Variants in FRY observed in about 807,000 individuals in gnomAD.
The protein encoded by FRY is FRY microtubule binding protein.
A neutral mutation model predicts 348.4 loss-of-function variants in FRY; 128 were observed. The observed-to-expected ratio is 0.37, with a 90% confidence interval of 0.32 to 0.43. The LOEUF (loss-of-function observed/expected upper bound fraction) is 0.43. Ranked by LOEUF, FRY falls within the 20% of genes least tolerant of loss-of-function variation. The probability of loss-of-function intolerance (pLI) is 1.00; values close to 1 mark genes in which losing one functional copy is unlikely to be tolerated. For missense variants in FRY, 2,736 were observed against 3,695.2 expected (o/e 0.74, Z 6.73); for synonymous variants, 1,370 against 1,374.7 (o/e 1.00, Z 0.08).
chr13:32,058,408 T>A (rs1873757927), intron 1 of FRY, among the ~76,000 whole-genome samples: 1 of 152,232 alleles, frequency 6.6e-6, no homozygotes. Context: ...TATTAGAGAT[T>A]TTATAATATA....
intron 2 of FRY, among the ~76,000 whole-genome samples, chr13:32,079,374 A>G (rs367576591): frequency 6.6e-6 from 1 of 151,238 alleles, no homozygotes; most frequent in African/African-American, 2.5e-5. Flanking sequence ...TATATATCTC[A>G]TATATATATA....
At chr13:32,121,007 A>G (rs932805706) in intron 4 of FRY, among the ~76,000 whole-genome samples, 4 of 152,178 alleles carry the variant, frequency 2.6e-5, no homozygotes, top group Admixed American at 2.0e-4. Context: ...CTTAGCTCCC[A>G]CATATCAATA....
At position 32,294,608 on chromosome 13, in the gene FRY, A is replaced by G. The variant is rs780778358; in HGVS notation, c.8783+38A>G. On this transcript the variant is annotated intron_variant, in intron 60 of 60. Coordinates refer to ENST00000542859, the MANE Select transcript of FRY (RefSeq NM_023037.3). Reference sequence around the variant, plus strand: ...TTTCTTTTAGAGGTGGTTGCAGGAAATGCACACCTGGTTGTTACTCTGTCA... The same window carrying G: ...TTTCTTTTAGAGGTGGTTGCAGGAAGTGCACACCTGGTTGTTACTCTGTCA... 10 of 1,440,700 alleles carry G rather than the reference A, an allele frequency of 6.9e-6. No homozygotes were observed. In the South Asian group the frequency reaches 1.1e-4, roughly 16 times the overall value. 89.2% of individuals were successfully genotyped at this position (1,440,700 alleles called of 1,614,324 possible).
At chr13:32,246,658 A>C (rs1246996088) in intron 47 of FRY, among the ~76,000 whole-genome samples, 1 of 152,216 alleles carries the variant, frequency 6.6e-6, no homozygotes, top group African/African-American at 2.4e-5. Flanking sequence ...CTCTAGCTGG[A>C]TCTGATGCAC....
intron 51 of FRY, 62 bp from the exon 52 acceptor site, chr13:32,261,554 G>C: frequency 1.6e-6 from 2 of 1,275,112 alleles, no homozygotes; most frequent in Non-Finnish European, 2.3e-6. Flanking sequence ...CTAATTGAAT[G>C]TGTGAACATG....
chr13:32,104,683 A>C (rs762876890), intron 3 of FRY, among the ~76,000 whole-genome samples: 1 of 152,118 alleles, frequency 6.6e-6, no homozygotes, highest in Non-Finnish European at 1.5e-5. Flanking sequence ...TCCCCACCCA[A>C]ATCTCTCCTC....
intron 7 of FRY, among the ~76,000 whole-genome samples, chr13:32,126,016 C>T (rs1878996348): frequency 6.6e-6 from 1 of 152,016 alleles, no homozygotes; most frequent in Non-Finnish European, 1.5e-5. Flanking sequence ...GTTTTATAGC[C>T]TATTAAAATA....
At chr13:32,231,896 C>T (rs1193685935) in intron 41 of FRY, among the ~76,000 whole-genome samples, 1 of 152,236 alleles carries the variant, frequency 6.6e-6, no homozygotes, top group Non-Finnish European at 1.5e-5. Context: ...AAAACCATCT[C>T]TACCTTTTTT....
At chr13:32,052,058 A>G (rs561213812) in intron 1 of FRY, among the ~76,000 whole-genome samples, 3 of 152,338 alleles carry the variant, frequency 2.0e-5, no homozygotes, top group East Asian at 1.9e-4. Flanking sequence ...GCAATCTGGT[A>G]TAGCAGGAAG....
intron 1 of FRY, among the ~76,000 whole-genome samples, chr13:32,055,682 G>C (rs1873586208): frequency 6.6e-6 from 1 of 152,072 alleles, no homozygotes; most frequent in South Asian, 2.1e-4. Flanking sequence ...CTTCAAAACA[G>C]TATAATTAAA....
At chr13:32,248,506 A>G (rs1359156295) in intron 48 of FRY, among the ~76,000 whole-genome samples, 1 of 151,246 alleles carries the variant, frequency 6.6e-6, no homozygotes, top group African/African-American at 2.4e-5. Flanking sequence ...CATTCTGCAC[A>G]TGTACCCCAG....
In FRY at chr13:32,249,623, C is replaced by T; in HGVS notation, c.7106C>T (p.Thr2369Ile). 1 of 1,614,254 alleles carries T rather than the reference C, an allele frequency of 6.2e-7. No individual in the cohort carries two copies. Among genetic ancestry groups the T allele is most frequent in the Non-Finnish European group, 8.5e-7 (1 of 1,180,044 alleles). Reference sequence around the variant, plus strand: ...GCCGTCACCCGGAGCACATCTTCCACTTCCTCAGGCTCCAACTCCAACGTC... The same window carrying T: ...GCCGTCACCCGGAGCACATCTTCCATTTCCTCAGGCTCCAACTCCAACGTC... ...AMAVTRSTSSTSSGSNSNVLV... is the reference protein window; with the variant it reads ...AMAVTRSTSSISSGSNSNVLV... The change falls in exon 49 of 61, where the codon ACT (threonine) becomes ATT (isoleucine). Residue 2369 changes from threonine to isoleucine, a missense_variant. Transcript: ENST00000542859.
chr13:32,180,688 G>A (rs945946204), intron 23 of FRY, among the ~76,000 whole-genome samples: 2 of 152,072 alleles, frequency 1.3e-5, no homozygotes, highest in Non-Finnish European at 2.9e-5. Flanking sequence ...TGTTAGTTTG[G>A]TTTGCCTCTG....
intron 56 of FRY, among the ~76,000 whole-genome samples, chr13:32,275,554 G>A (rs879926921): frequency 7.9e-5 from 12 of 152,180 alleles, no homozygotes; most frequent in African/African-American, 1.9e-4. Flanking sequence ...CGTCTGCATC[G>A]TTGGCACTGA....
At position 32,249,527 on chromosome 13, in the gene FRY, C is replaced by G; in HGVS notation, c.7010C>G (p.Thr2337Ser). 1.2e-6 allele frequency: 2 copies of G among 1,614,138 alleles called. No individual in the cohort carries two copies. The highest frequency in any genetic ancestry group is 1.7e-6 in the Non-Finnish European group (2 of 1,180,020). ...ATGTGCGTTTGTCTTCTTCTCAAGA[C>G]TCCAATCATCGGGAGGCGGTATGAT... ...TLDFHFDISE[T>S]PIIGRRYDEL... The change falls in exon 49 of 61, where the codon ACT (threonine) becomes AGT (serine). Residue 2337 changes from threonine (T) to serine (S), a missense_variant and splice_region_variant. Thr to Ser is a moderately conservative substitution (Grantham distance 58, BLOSUM62 1). Coordinates refer to ENST00000542859, the MANE Select transcript of FRY (RefSeq NM_023037.3).
rs760906870 is a variant in FRY at position 32,231,142 on chromosome 13, CA to C, written c.5406-36del. ...GTGTAGTTTTAAAAATGCAAAATGA[CA>C]GTTATATTTTTGACATTTTGTGTGT... On this transcript the variant is annotated intron_variant, in intron 40 of 60. Coordinates refer to ENST00000542859, the MANE Select transcript of FRY (RefSeq NM_023037.3). 7 of 1,602,736 alleles carry C rather than the reference CA, an allele frequency of 4.4e-6. No individual in the cohort carries two copies. In the East Asian group the frequency reaches 1.3e-4, roughly 31 times the overall value.
intron 1 of FRY, among the ~76,000 whole-genome samples, chr13:32,068,896 C>T (rs1214444360): frequency 1.4e-5 from 2 of 148,132 alleles, no homozygotes; most frequent in Non-Finnish European, 3.0e-5. Context: ...TTTTATGGAT[C>T]CTCCATGTTC....
In FRY at chr13:32,194,109, A is replaced by G. The variant is rs189475307; in HGVS notation, c.3592-34A>G. On this transcript the variant is annotated intron_variant, in intron 28 of 60. Transcript: ENST00000542859. ...TTTCTCTAGAACATTCTTTCATCAA[A>G]TGGGAATAATATTGATTTGCTCCAT... 672 of 1,590,168 alleles carry G rather than the reference A, an allele frequency of 4.2e-4. No homozygotes were observed. The highest frequency in any genetic ancestry group is 5.4e-4 in the Non-Finnish European group (631 of 1,158,084).
Position 32,225,943 on chromosome 13 carries a change from G to C in FRY, c.5175G>C (p.Gln1725His). 6.2e-7 allele frequency: 1 copy of C among 1,614,146 alleles called. No individual in the cohort carries two copies. The change falls in exon 39 of 61, where the codon CAG (glutamine) becomes CAC (histidine). Residue 1725 changes from glutamine (Q) to histidine (H), a missense_variant. Transcript: ENST00000542859. ...GTGAAGCTAAGACTCTAACCGTGCA[G>C]CCAGCCTACCAACCTGAATATCTCT... ...EMGEAKTLTV[Q>H]PAYQPEYLYT...
Sources: allele counts gnomAD v4.1 joint callset (sites outside exome capture counted in the v4.1 genomes callset), GRCh38; gene constraint gnomAD v4.1.1; transcripts MANE v1.5; gene names NCBI Gene and HGNC (gene_info 2026-07-23, HGNC 2026-07-21).